MFHAS1: variants seen among roughly 807,000 people sequenced by gnomAD.
MFHAS1 encodes malignant fibrous histiocytoma-amplified sequence 1.
In MFHAS1, 50 loss-of-function variants were observed where a neutral mutation model predicts 70.4. That is an observed-to-expected ratio of 0.71 (90% CI 0.57 to 0.90). The LOEUF (loss-of-function observed/expected upper bound fraction) is 0.90. MFHAS1 is among the 40% of genes least tolerant of loss of function. The pLI, the probability that MFHAS1 is intolerant of heterozygous loss-of-function variation, is 0.00. For synonymous variants in MFHAS1, 952 were observed against 620.0 expected, an observed-to-expected ratio of 1.54 and a Z score of -7.96; for missense variants, 1,795 against 1,347.6, an observed-to-expected ratio of 1.33 and a Z score of -5.20.
chr8:8,787,205 C>T (rs1356159982), intron 2 of MFHAS1, among the ~76,000 whole-genome samples: 2 of 151,964 alleles, frequency 1.3e-5, no homozygotes, highest in Non-Finnish European at 1.5e-5. Flanking sequence ...CTCAGCCTCC[C>T]GAGTAGCTAG....
In MFHAS1 at chr8:8,785,927, C is replaced by T. The variant is rs966843760; in HGVS notation, c.*95G>A. On this transcript the variant is annotated 3_prime_UTR_variant, in exon 3 of 3. Coordinates refer to ENST00000276282, the MANE Select transcript of MFHAS1 (RefSeq NM_004225.3). ...CGTTGTCACTCAAGTTCACAGAACA[C>T]GCTGGGGTGAGTGCAGAGGGTCTGC... The T allele has an allele frequency of 2.3e-4, 286 of 1,246,000 alleles. No homozygotes were observed. Among genetic ancestry groups the T allele is most frequent in the African/African-American group, 2.0e-3 (130 of 66,446 alleles). 77.2% of individuals were successfully genotyped at this position (1,246,000 alleles called of 1,614,324 possible).
At position 8,892,950 on chromosome 8, in the gene MFHAS1, C is replaced by A. The variant is rs767308137; in HGVS notation, c.109G>T (p.Ala37Ser). 6 of 1,543,232 alleles carry A rather than the reference C, an allele frequency of 3.9e-6. No individual in the cohort carries two copies. The highest frequency in any genetic ancestry group is 5.2e-6 in the Non-Finnish European group (6 of 1,147,314). Residue 37 changes from alanine to serine, a missense_variant, in exon 1 of 3, where the codon GCC (alanine) becomes TCC (serine). Transcript: ENST00000276282. This position sits in a 1 kb window ranked among gnomAD's most constrained non-coding sequence, Gnocchi z 4.7. ...SNLRQLTLTA[A>S]GACPGAGADA... ...GCCCCGGCCCCGGGGCAGGCCCCGG[C>A]GGCGGTAAGCGTGAGCTGGCGCAGG...
At chr8:8,880,600 G>C (rs1809480022) in intron 1 of MFHAS1, among the ~76,000 whole-genome samples, 1 of 152,030 alleles carries the variant, frequency 6.6e-6, no homozygotes, top group Non-Finnish European at 1.5e-5. Flanking sequence ...TGCTTGTTCA[G>C]ATTTGCAAAA....
At chr8:8,868,978 G>T (rs1166357152) in intron 1 of MFHAS1, among the ~76,000 whole-genome samples, 1 of 152,062 alleles carries the variant, frequency 6.6e-6, no homozygotes, top group Non-Finnish European at 1.5e-5. Flanking sequence ...AAAGATTATG[G>T]GCATGTTCCT....
intron 1 of MFHAS1, among the ~76,000 whole-genome samples, chr8:8,812,824 T>G (rs1455481603): frequency 6.6e-6 from 1 of 152,084 alleles, no homozygotes; most frequent in African/African-American, 2.4e-5. Context: ...TAGAGTGCAG[T>G]GGAGTGATCT....
In MFHAS1 at chr8:8,890,371, T is replaced by C; in HGVS notation, c.2688A>G (p.Ala896=). 1 of 1,614,156 alleles carries C rather than the reference T, an allele frequency of 6.2e-7. No individual in the cohort carries two copies. The change falls in exon 1 of 3, where the codon GCA becomes GCG. Residue 896 remains alanine, a synonymous_variant. Coordinates refer to ENST00000276282, the MANE Select transcript of MFHAS1 (RefSeq NM_004225.3). ...GGCTGTTGATCTGGACACTGTAGCG[T>C]GCAAACAACCCAAGTGGAAAAGTAA... ...FPFTFPLGLF[A]RYSVQINSHV... is the part of the protein sequence containing the mutation.
intron 1 of MFHAS1, among the ~76,000 whole-genome samples, chr8:8,857,036 G>A (rs1158942034): frequency 7.0e-6 from 1 of 143,840 alleles, no homozygotes; most frequent in African/African-American, 2.6e-5. Flanking sequence ...GAGCCAGGCT[G>A]TTCATAATTT....
intron 1 of MFHAS1, among the ~76,000 whole-genome samples, chr8:8,815,792 C>A (rs1000239294): frequency 1.3e-5 from 2 of 152,148 alleles, no homozygotes; most frequent in East Asian, 3.8e-4. Context: ...CCCAGCTATG[C>A]CGCTCCTAGA....
rs146506710 is a variant in MFHAS1, at chr8:8,811,564, C to T, written c.2999-14073G>A. On this transcript the variant is annotated intron_variant, in intron 1 of 2. Transcript: ENST00000276282. The stretch of plus-strand genomic sequence containing the variant: ...AAGTGCTGGGATTACCGGCGTGAGC[C>T]GCCATGCCTGGCCAAGGCCAGGGTT... Among the ~76,000 whole-genome samples the T allele has an allele frequency of 3.1e-3, 477 of 152,314 alleles. 3 individuals are homozygous for T. The highest frequency in any genetic ancestry group is 0.011 in the African/African-American group (452 of 41,576).
At chr8:8,832,058 G>A (rs148097711) in intron 1 of MFHAS1, among the ~76,000 whole-genome samples, 106,329 of 145,858 alleles carry the variant, frequency 0.73, 40,429 homozygotes, top group East Asian at 0.89. Flanking sequence ...ACGCGCGCGC[G>A]CGCGCACACA....
intron 1 of MFHAS1, among the ~76,000 whole-genome samples, chr8:8,863,276 C>G (rs1034428512): frequency 2.0e-5 from 3 of 152,158 alleles, no homozygotes; most frequent in African/African-American, 7.2e-5. Context: ...GAATACAGTA[C>G]TGATTTTTAA....
intron 1 of MFHAS1, among the ~76,000 whole-genome samples, chr8:8,866,123 A>G (rs1808848341): frequency 6.6e-6 from 1 of 152,192 alleles, no homozygotes; most frequent in South Asian, 2.1e-4. Context: ...TTTTCTAAGC[A>G]GGAAGAATAC....
In MFHAS1 at chr8:8,891,258, T is replaced by A; in HGVS notation, c.1801A>T (p.Lys601Ter). The stretch of plus-strand genomic sequence containing the variant: ...TGGGCCTTGCGCCGTCGAAGGTTCT[T>A]GTCCGAAACGCCATAGTAGGCTGCG... ...PHAAYYGVSD[K>*]NLRRRKAHFQ... The change falls in exon 1 of 3, where the codon AAG (lysine) becomes TAG (stop). Residue 601 changes from lysine to a stop codon, truncating the protein, a stop_gained. Transcript: ENST00000276282. LOFTEE classifies it high-confidence loss of function. The surrounding 1 kb of genome is among the most constrained non-coding windows in gnomAD (Gnocchi z 5.4). 1 of 1,612,188 alleles carries A rather than the reference T, an allele frequency of 6.2e-7. No individual in the cohort carries two copies. The highest frequency in any genetic ancestry group is 8.5e-7 in the Non-Finnish European group (1 of 1,180,008).
intron 1 of MFHAS1, among the ~76,000 whole-genome samples, chr8:8,829,253 C>T (rs78852941): frequency 0.037 from 5,689 of 152,270 alleles, 162 homozygotes; most frequent in Non-Finnish European, 0.057. Flanking sequence ...GTATGTGTAC[C>T]GGGCTGCACC....
chr8:8,808,483 C>G (rs1388232459), intron 1 of MFHAS1, among the ~76,000 whole-genome samples: 1 of 152,086 alleles, frequency 6.6e-6, no homozygotes, highest in Non-Finnish European at 1.5e-5. Flanking sequence ...GTGATGCTGG[C>G]GATTTGGATC....
At chr8:8,799,158 G>A (rs936590697) in intron 1 of MFHAS1, among the ~76,000 whole-genome samples, 31 of 152,162 alleles carry the variant, frequency 2.0e-4, no homozygotes, top group African/African-American at 6.5e-4. Context: ...GCATGAAACC[G>A]AGGACAGTAC....
At position 8,797,381 on chromosome 8, in the gene MFHAS1, T is replaced by C; in HGVS notation, c.3109A>G (p.Ile1037Val). 6.2e-7 allele frequency: 1 copy of C among 1,614,040 alleles called. No individual in the cohort carries two copies. Among genetic ancestry groups the C allele is most frequent in the Non-Finnish European group, 8.5e-7 (1 of 1,179,986 alleles). The change falls in exon 2 of 3, where the codon ATC (isoleucine) becomes GTC (valine). Residue 1037 changes from isoleucine (I) to valine (V), a missense_variant. Coordinates refer to ENST00000276282, the MANE Select transcript of MFHAS1 (RefSeq NM_004225.3). ...ALVYPPTPTVISPCSKKNVGE... is the reference protein window; with the variant it reads ...ALVYPPTPTVVSPCSKKNVGE... The stretch of plus-strand genomic sequence containing the variant: ...AGAACTCACTTGGAACAGGGGCTGA[T>C]CACAGTCGGCGTGGGTGGGTAAACC...
At chr8:8,817,762 T>A (rs1806801412) in intron 1 of MFHAS1, among the ~76,000 whole-genome samples, 1 of 152,236 alleles carries the variant, frequency 6.6e-6, no homozygotes, top group Non-Finnish European at 1.5e-5. Flanking sequence ...AGGCATTAGA[T>A]TCTCATAAGG....
At chr8:8,828,059 C>T (rs1585038450) in intron 1 of MFHAS1, among the ~76,000 whole-genome samples, 2 of 152,156 alleles carry the variant, frequency 1.3e-5, no homozygotes, top group South Asian at 4.1e-4. Context: ...AGGAATGCCA[C>T]CTTTTCCCAA....
Sources: allele counts gnomAD v4.1 joint callset (sites outside exome capture counted in the v4.1 genomes callset), GRCh38; gene constraint gnomAD v4.1.1; non-coding constraint Gnocchi (gnomAD v3.1); transcripts MANE v1.5; gene names NCBI Gene and HGNC (gene_info 2026-07-23, HGNC 2026-07-21).